The following PDE3B variants were observed in gnomAD, a reference collection of about 807,000 sequenced individuals.
The protein encoded by PDE3B is phosphodiesterase 3B.
PDE3B carries 66 observed loss-of-function variants against 116.8 expected under a neutral mutation model. The observed-to-expected ratio is 0.56, with a 90% CI of 0.46 to 0.69. The LOEUF is 0.69. PDE3B is among the 30% of genes least tolerant of loss of function. The pLI, the probability that PDE3B is intolerant of heterozygous loss-of-function variation, is 0.00. For missense variants in PDE3B, 1,384 were observed against 1,368.1 expected (o/e 1.01, Z -0.18); for synonymous variants, 595 against 533.6 (o/e 1.12, Z -1.59).
intron 1 of PDE3B, among the ~76,000 whole-genome samples, chr11:14,768,084 T>G (rs1857545713): frequency 6.6e-6 from 1 of 151,436 alleles, no homozygotes; most frequent in Non-Finnish European, 1.5e-5. Context: ...AAAAAAAGTA[T>G]TATTCCCACA....
At chr11:14,718,426 A>G (rs1335755912) in intron 1 of PDE3B, among the ~76,000 whole-genome samples, 2 of 146,934 alleles carry the variant, frequency 1.4e-5, no homozygotes, top group East Asian at 2.0e-4. Context: ...TGGACCTAAT[A>G]GACATCTACA....
chr11:14,874,286 C>T (rs377191492), downstream of PDE3B, among the ~76,000 whole-genome samples: 1 of 152,074 alleles, frequency 6.6e-6, no homozygotes, highest in East Asian at 1.9e-4. Flanking sequence ...TTAAGTATCT[C>T]TTCTGTACAA....
At chr11:14,833,897 G>A (rs1392153238) in intron 10 of PDE3B, among the ~76,000 whole-genome samples, 1 of 152,112 alleles carries the variant, frequency 6.6e-6, no homozygotes, top group African/African-American at 2.4e-5. Context: ...CAAGGGAAAT[G>A]GAACGAAAAG....
At position 14,718,406 on chromosome 11, in the gene PDE3B, C is replaced by T. The variant is rs1353365323; in HGVS notation, c.979-53531C>T. Among the ~76,000 whole-genome samples, 97 of 144,468 alleles carry T rather than the reference C, an allele frequency of 6.7e-4. 1 individual carries two copies. The highest frequency in any genetic ancestry group is 3.4e-3 in the Middle Eastern group (1 of 294). The allele number at this position is 144,468 out of a possible 152,430, so 94.8% of individuals were successfully genotyped here. ...GGATACCCAGGAATTGAACTCATCT[C>T]TGCACCAAGTGGACCTAATAGACAT... On this transcript the variant is annotated intron_variant, in intron 1 of 15. Transcript: ENST00000282096.
intron 1 of PDE3B, among the ~76,000 whole-genome samples, chr11:14,691,149 G>T (rs1005247418): frequency 2.6e-5 from 4 of 152,286 alleles, no homozygotes; most frequent in African/African-American, 9.6e-5. Context: ...TACTGTATTA[G>T]CACTGTGCTA....
At chr11:14,789,319 T>C (rs1660031682) in intron 4 of PDE3B, 77 bp downstream of exon 4, 2 of 1,130,696 alleles carry the variant, frequency 1.8e-6, no homozygotes, top group Non-Finnish European at 2.6e-6. Context: ...TTTCAAATAG[T>C]TCTGGAAGCA....
At chr11:14,746,358 C>A (rs1172859322) in intron 1 of PDE3B, among the ~76,000 whole-genome samples, 1 of 152,108 alleles carries the variant, frequency 6.6e-6, no homozygotes, top group Non-Finnish European at 1.5e-5. Flanking sequence ...GCACTCCAGC[C>A]TGGGTGATGG....
chr11:14,843,010 AT>A (rs1209375173), intron 11 of PDE3B, among the ~76,000 whole-genome samples: 1 of 152,180 alleles, frequency 6.6e-6, no homozygotes, highest in Non-Finnish European at 1.5e-5. Flanking sequence ...TTTGTACCTA[AT>A]ATCTGTGGTT....
At chr11:14,659,292 A>C (rs1364249207) in intron 1 of PDE3B, among the ~76,000 whole-genome samples, 2 of 152,246 alleles carry the variant, frequency 1.3e-5, no homozygotes. Flanking sequence ...TTACTTTTTC[A>C]GATATGGCTT....
Position 14,786,609 on chromosome 11 carries a change from T to A in PDE3B, c.1202T>A (p.Leu401His). 1 of 1,612,506 alleles carries A rather than the reference T, an allele frequency of 6.2e-7. No individual in the cohort carries two copies. Among genetic ancestry groups the A allele is most frequent in the Non-Finnish European group, 8.5e-7 (1 of 1,178,722 alleles). ...TCCTGTAGGCCAAAGATTAATCCTCTCACACCATTTCCTGGATTTTACCCC... is the reference window on the plus strand; with the variant it reads ...TCCTGTAGGCCAAAGATTAATCCTCACACACCATTTCCTGGATTTTACCCC... ...SGSCRPKINPLTPFPGFYPCS... is the reference protein window; with the variant it reads ...SGSCRPKINPHTPFPGFYPCS... The change falls in exon 3 of 16, where the codon CTC becomes CAC. Residue 401 changes from leucine (L) to histidine (H), a missense_variant. Transcript: ENST00000282096.
intron 1 of PDE3B, among the ~76,000 whole-genome samples, chr11:14,726,046 T>G (rs1389726457): frequency 6.6e-6 from 1 of 152,204 alleles, no homozygotes; most frequent in Non-Finnish European, 1.5e-5. Flanking sequence ...ATATCAGTAT[T>G]ATTCCAGACT....
chr11:14,882,171 G>A, the PDE3B span, among the ~76,000 whole-genome samples: 1 of 151,984 alleles, frequency 6.6e-6, no homozygotes, highest in Admixed American at 6.6e-5. Flanking sequence ...TATGTTCCAG[G>A]CAATGTTCTA....
chr11:14,892,357 A>G, the PDE3B span: 1 of 712,770 alleles, frequency 1.4e-6, no homozygotes, highest in South Asian at 1.8e-5. Flanking sequence ...CCCCTTCGGG[A>G]CAACTACCTT....
At chr11:14,812,038 T>G (rs1307718450) in intron 5 of PDE3B, among the ~76,000 whole-genome samples, 2 of 152,290 alleles carry the variant, frequency 1.3e-5, no homozygotes, top group African/African-American at 2.4e-5. Flanking sequence ...AAGGAGATTT[T>G]GGGCTTTTTT....
Position 14,728,944 on chromosome 11 carries a change from C to G in PDE3B, c.979-42993C>G, listed in dbSNP as rs555326738. On this transcript the variant is annotated intron_variant, in intron 1 of 15. Coordinates refer to ENST00000282096, the MANE Select transcript of PDE3B (RefSeq NM_000922.4). Reference sequence around the variant, plus strand: ...TGTAGTCATTTGTATTATTTGAAAGCTTAGACAGCTTTTATAGCAGTTTGC... The same window carrying G: ...TGTAGTCATTTGTATTATTTGAAAGGTTAGACAGCTTTTATAGCAGTTTGC... Among the ~76,000 whole-genome samples the G allele has an allele frequency of 8.5e-4, 129 of 152,196 alleles. 1 individual carries two copies. Among genetic ancestry groups the G allele is most frequent in the Middle Eastern group, 3.4e-3 (1 of 294 alleles).
chr11:14,706,741 G>T (rs1434964251), intron 1 of PDE3B, among the ~76,000 whole-genome samples: 1 of 151,922 alleles, frequency 6.6e-6, no homozygotes, highest in Non-Finnish European at 1.5e-5. Context: ...AATTCATTAG[G>T]TGCATACAAT....
chr11:14,844,353 G>C (rs1847541414), intron 12 of PDE3B, among the ~76,000 whole-genome samples: 1 of 152,156 alleles, frequency 6.6e-6, no homozygotes, highest in Admixed American at 6.5e-5. Context: ...TGTTCCGCTG[G>C]AGCCAAGATG....
In PDE3B at chr11:14,859,937, C is replaced by T. The variant is rs183390299; in HGVS notation, c.2724+691C>T. 6.6e-5 allele frequency among the ~76,000 whole-genome samples: 10 copies of T among 152,222 alleles called. No homozygotes were observed. In the East Asian group the frequency reaches 1.9e-3, roughly 29 times the overall value. On this transcript the variant is annotated intron_variant, in intron 13 of 15. Transcript: ENST00000282096. ...TGAGAACCACTGCTTTAGATTCCCA[C>T]CCTGGCTTGCAGGAAGCTGCTATTT...
At chr11:14,788,883 T>C (rs1241956116) in intron 3 of PDE3B, 43 of 326,848 alleles carry the variant, frequency 1.3e-4, no homozygotes, top group South Asian at 1.0e-4. Flanking sequence ...GCTTAAATTA[T>C]AGAGTTCAGA....
Sources: gnomAD v4.1 joint callset for allele counts (sites outside exome capture counted in the v4.1 genomes callset) on GRCh38, gnomAD v4.1.1 for gene constraint, MANE v1.5 for transcripts, NCBI Gene and HGNC (gene_info 2026-07-23, HGNC 2026-07-21) for gene names.